The following SNCAIP variants were observed in gnomAD, a reference collection of about 807,000 sequenced individuals.
The protein encoded by SNCAIP is synphilin-1.
Under a neutral mutation model 86.7 loss-of-function variants are expected in SNCAIP, and 43 were observed. The ratio of observed to expected loss-of-function variants is 0.50; its 90% CI spans 0.39 to 0.64. SNCAIP has a LOEUF of 0.64. Among genes scored for constraint, SNCAIP ranks in the 30% least tolerant of loss-of-function variants. The probability of loss-of-function intolerance (pLI) is 0.00; values close to 1 mark genes in which losing one functional copy is unlikely to be tolerated. For missense variants in SNCAIP, 981 were observed against 1,103.1 expected, an observed-to-expected ratio of 0.89 and a Z score of 1.57; for synonymous variants, 417 against 427.2, an observed-to-expected ratio of 0.98 and a Z score of 0.29.
At chr5:122,401,233 A>G in intron 2 of SNCAIP, 4 of 1,113,312 alleles carry the variant, frequency 3.6e-6, no homozygotes, top group South Asian at 3.4e-5. Flanking sequence ...AGCACAATGC[A>G]TACTTGTAAG....
chr5:122,389,817 T>C (rs1768956646), intron 1 of SNCAIP: 1 of 151,750 alleles, frequency 6.6e-6, no homozygotes, highest in Admixed American at 6.6e-5. Context: ...GGTATATACA[T>C]ATGGGAAAAA....
intron 1 of SNCAIP, among the ~76,000 whole-genome samples, chr5:122,356,801 G>A (rs1383364029): frequency 6.6e-6 from 1 of 152,094 alleles, no homozygotes; most frequent in Non-Finnish European, 1.5e-5. Context: ...GAGTCTGCCC[G>A]CTAGTATTAC....
At chr5:122,429,754 C>G (rs115100246) in intron 5 of SNCAIP, among the ~76,000 whole-genome samples, 11 of 151,978 alleles carry the variant, frequency 7.2e-5, no homozygotes, top group African/African-American at 2.7e-4. Flanking sequence ...GTAAGGGGTT[C>G]GTAAAGGAAA....
At chr5:122,390,730 A>G (rs1391624297) in intron 1 of SNCAIP, among the ~76,000 whole-genome samples, 1 of 152,164 alleles carries the variant, frequency 6.6e-6, no homozygotes, top group Non-Finnish European at 1.5e-5. Flanking sequence ...CTGGCTCCCC[A>G]TTTCCCAAAG....
At chr5:122,427,376 G>GT (rs35824191) in intron 5 of SNCAIP, among the ~76,000 whole-genome samples, 1,794 of 143,960 alleles carry the variant, frequency 0.012, 20 homozygotes, top group East Asian at 0.039. Context: ...AAACAGCAGT[G>GT]TTTTTTTTTT....
chr5:122,318,583 A>G (rs1752296505), intron 1 of SNCAIP, among the ~76,000 whole-genome samples: 1 of 152,160 alleles, frequency 6.6e-6, no homozygotes, highest in African/African-American at 2.4e-5. Context: ...GACTTTCTTT[A>G]GGTATATTCT....
At chr5:122,367,201 A>G (rs908577033) in intron 1 of SNCAIP, among the ~76,000 whole-genome samples, 4 of 152,168 alleles carry the variant, frequency 2.6e-5, no homozygotes, top group African/African-American at 9.7e-5. Context: ...GTGAGTAAGA[A>G]GAGAAGTGGA....
intron 1 of SNCAIP, among the ~76,000 whole-genome samples, chr5:122,382,460 G>A (rs1264799224): frequency 6.6e-6 from 1 of 152,116 alleles, no homozygotes; most frequent in Admixed American, 6.5e-5. Context: ...TGTTTTCAAA[G>A]TTTTCAACTT....
At position 122,325,694 on chromosome 5, in the gene SNCAIP, C is replaced by T. The variant is rs202024577; in HGVS notation, c.-47+13410C>T. On this transcript the variant is annotated intron_variant, in intron 1 of 10. Coordinates refer to ENST00000261368, the MANE Select transcript of SNCAIP (RefSeq NM_005460.4). ...AGGATTTATCAGGAATTTAGTATAACTATTAGCTCTTACTATGCATTCAAC... is the reference window on the plus strand; with the variant it reads ...AGGATTTATCAGGAATTTAGTATAATTATTAGCTCTTACTATGCATTCAAC... Among the ~76,000 whole-genome samples the T allele has an allele frequency of 2.6e-5, 4 of 152,310 alleles. No homozygotes were observed. The East Asian group carries it at 7.7e-4, about 29-fold the overall frequency.
chr5:122,375,694 A>G (rs922400857), intron 1 of SNCAIP, among the ~76,000 whole-genome samples: 1 of 152,098 alleles, frequency 6.6e-6, no homozygotes, highest in African/African-American at 2.4e-5. Context: ...CAAATTGTGT[A>G]AAGTTGTGTG....
chr5:122,320,218 C>A (rs1488289004), intron 1 of SNCAIP, among the ~76,000 whole-genome samples: 1 of 152,206 alleles, frequency 6.6e-6, no homozygotes, highest in Non-Finnish European at 1.5e-5. Flanking sequence ...AGAGTGACAG[C>A]ACTACTGGTT....
chr5:122,432,703 A>G (rs1036371961), intron 6 of SNCAIP, among the ~76,000 whole-genome samples: 5 of 152,138 alleles, frequency 3.3e-5, no homozygotes, highest in African/African-American at 1.2e-4. Flanking sequence ...ATCAATTTCC[A>G]CATTAGGAAA....
intron 1 of SNCAIP, among the ~76,000 whole-genome samples, chr5:122,345,219 T>C (rs1212420619): frequency 6.6e-6 from 1 of 152,194 alleles, no homozygotes; most frequent in Non-Finnish European, 1.5e-5. Flanking sequence ...TTGTATCAAA[T>C]TTTTTGTTAT....
At chr5:122,404,289 TC>T in intron 3 of SNCAIP, among the ~76,000 whole-genome samples, 1 of 152,110 alleles carries the variant, frequency 6.6e-6, no homozygotes, top group Non-Finnish European at 1.5e-5. Context: ...GGAAACCCTA[TC>T]AGAGATGCGA....
intron 1 of SNCAIP, 50 bp downstream of exon 1, chr5:122,312,334 C>G (rs1231080250): frequency 6.6e-6 from 1 of 152,664 alleles, no homozygotes; most frequent in East Asian, 1.9e-4. Context: ...AGGCGGGCAG[C>G]CAGCGGCTCA....
Position 122,386,639 on chromosome 5 carries a change from T to C in SNCAIP, c.-46-4450T>C, listed in dbSNP as rs188593195. Reference sequence around the variant, plus strand: ...CCAAAGAAGGGAGCCAAGCTGTCATTAGCAGTTTCTGCACAGCATATAGTT... The same window carrying C: ...CCAAAGAAGGGAGCCAAGCTGTCATCAGCAGTTTCTGCACAGCATATAGTT... On this transcript the variant is annotated intron_variant, in intron 1 of 10. Transcript: ENST00000261368. Among the ~76,000 whole-genome samples the C allele has an allele frequency of 2.1e-3, 319 of 152,274 alleles. 4 individuals carry two copies. The highest frequency in any genetic ancestry group is 7.2e-3 in the African/African-American group (298 of 41,556).
chr5:122,458,652 G>A (rs543185508), intron 10 of SNCAIP, among the ~76,000 whole-genome samples: 12 of 152,170 alleles, frequency 7.9e-5, no homozygotes, highest in Non-Finnish European at 1.8e-4. Context: ...TGAGGACAGC[G>A]CGGATGGACA....
intron 1 of SNCAIP, among the ~76,000 whole-genome samples, chr5:122,363,449 T>C (rs1324665372): frequency 6.6e-6 from 1 of 152,176 alleles, no homozygotes; most frequent in African/African-American, 2.4e-5. Flanking sequence ...TCCTAAGGCC[T>C]TGTGTAAGGT....
chr5:122,461,812 A>G (rs2153040852), intron 10 of SNCAIP, among the ~76,000 whole-genome samples: 1 of 151,820 alleles, frequency 6.6e-6, no homozygotes, highest in East Asian at 1.9e-4. Context: ...CATAACTGGG[A>G]CTACAGCCAC....
Sources: gnomAD v4.1 joint callset for allele counts (sites outside exome capture counted in the v4.1 genomes callset) on GRCh38, gnomAD v4.1.1 for gene constraint, MANE v1.5 for transcripts, NCBI Gene and HGNC (gene_info 2026-07-23, HGNC 2026-07-21) for gene names.